The following CLK3 variants were observed in gnomAD, a reference collection of about 807,000 sequenced individuals.
The protein encoded by CLK3 is CDC like kinase 3.
A neutral mutation model predicts 65.2 loss-of-function variants in CLK3; 24 were observed. That is an observed-to-expected ratio of 0.37 (90% CI 0.27 to 0.52). The LOEUF (loss-of-function observed/expected upper bound fraction) is 0.52, where lower values mean the gene tolerates loss of function less well. Among genes scored for constraint, CLK3 ranks in the 20% least tolerant of loss-of-function variants. The probability of loss-of-function intolerance (pLI) is 0.92; values close to 1 mark genes in which losing one functional copy is unlikely to be tolerated. For synonymous variants in CLK3, 252 were observed against 240.8 expected (o/e 1.05, Z -0.43); for missense variants, 506 against 660.0 (o/e 0.77, Z 2.56).
At chr15:74,609,711 C>G (rs1397491792) in intron 1 of CLK3, among the ~76,000 whole-genome samples, 1 of 152,252 alleles carries the variant, frequency 6.6e-6, no homozygotes, top group African/African-American at 2.4e-5. Flanking sequence ...TGGGCCCTGC[C>G]TCCATCCCAG....
intron 3 of CLK3, chr15:74,620,515 G>A (rs955415724): frequency 1.9e-5 from 10 of 532,478 alleles, no homozygotes; most frequent in African/African-American, 1.7e-4. Flanking sequence ...AGGCCACGTG[G>A]TGCAAGTGGC....
At chr15:74,620,640 G>C (rs2062094349) in intron 3 of CLK3, 2 of 247,914 alleles carry the variant, frequency 8.1e-6, no homozygotes, top group South Asian at 5.6e-5. Flanking sequence ...GTGTAACTGA[G>C]TGCTCTGATG....
rs1358503644 is a variant in CLK3 at position 74,629,050 on chromosome 15, C to G, written c.1296+18C>G. 6.3e-7 allele frequency: 1 copy of G among 1,576,904 alleles called. No individual in the cohort carries two copies. Among genetic ancestry groups the G allele is most frequent in the Non-Finnish European group, 8.7e-7 (1 of 1,146,100 alleles). On this transcript the variant is annotated intron_variant, in intron 12 of 12. Transcript: ENST00000395066. The stretch of plus-strand genomic sequence containing the variant: ...CTCTGAAGGTCAGTTTCTGGCTACC[C>G]CCAGCTGAACTCATGCCAAGGAGAG...
In CLK3 at chr15:74,619,265, G is replaced by A; in HGVS notation, c.69G>A (p.Arg23=). ...DPYLSYRWKR[R]RSYSREHEGR... ...ACCTGAGCTACCGATGGAAGAGGAG[G>A]AGGTCCTACAGTCGGGAACATGAAG... The change falls in exon 2 of 13, where the codon AGG becomes AGA. Residue 23 remains arginine (R), a synonymous_variant. Coordinates refer to ENST00000395066, the MANE Select transcript of CLK3 (RefSeq NM_001130028.2). The A allele has an allele frequency of 6.2e-7, 1 of 1,614,162 alleles. No homozygotes were observed. The highest frequency in any genetic ancestry group is 8.5e-7 in the Non-Finnish European group (1 of 1,180,026).
Position 74,621,703 on chromosome 15 carries a change from T to C in CLK3, c.370-417T>C, listed in dbSNP as rs2062104928. The C allele has an allele frequency of 2.9e-6, 1 of 339,696 alleles. No individual in the cohort carries two copies. Among genetic ancestry groups the C allele is most frequent in the South Asian group, 2.3e-5 (1 of 43,350 alleles). The allele number at this position is 339,696 out of a possible 1,614,324, so 21.0% of individuals were successfully genotyped here. A position where few individuals can be genotyped will look rare whatever the true frequency, so the allele number is the denominator to read the frequency against. On this transcript the variant is annotated intron_variant, in intron 3 of 12. Transcript: ENST00000395066. This position sits in a 1 kb window ranked among gnomAD's most constrained non-coding sequence, Gnocchi z 4.8. ...CCGCCGTTCTCACTGCATCTTCCGC[T>C]CTGGCCCAAAGCCACATGGGAGGGT...
At chr15:74,628,885 A>C in intron 11 of CLK3, 57 bp from the exon 12 acceptor site, 1 of 1,311,372 alleles carries the variant, frequency 7.6e-7, no homozygotes, top group Admixed American at 1.7e-5. Context: ...CCCACCTCCC[A>C]CCAGAGGCTT....
rs759061170 is a variant in CLK3, at chr15:74,627,494, C to G, written c.913-45C>G. ...GGCCCTGTTTCAGGGGTGGGTTACC[C>G]GCTGGTGCAGACTCCTGACCTGGCA... On this transcript the variant is annotated intron_variant, in intron 8 of 12. Transcript: ENST00000395066. This position sits in a 1 kb window ranked among gnomAD's most constrained non-coding sequence, Gnocchi z 4.3. 1 of 1,614,014 alleles carries G rather than the reference C, an allele frequency of 6.2e-7. No individual in the cohort carries two copies. Among genetic ancestry groups the G allele is most frequent in the African/African-American group, 1.3e-5 (1 of 74,914 alleles).
At chr15:74,611,245 T>G (rs1187560964), upstream of CLK3, among the ~76,000 whole-genome samples, 1 of 152,130 alleles carries the variant, frequency 6.6e-6, no homozygotes. Context: ...CTCCTCTGGG[T>G]GCCCCAGACC....
Position 74,627,067 on chromosome 15 carries a change from G to T in CLK3, c.818-285G>T. 1.9e-6 allele frequency: 1 copy of T among 533,724 alleles called. No homozygotes were observed. Among genetic ancestry groups the T allele is most frequent in the Non-Finnish European group, 3.6e-6 (1 of 277,592 alleles). The allele number at this position is 533,724 out of a possible 1,614,324, so 33.1% of individuals were successfully genotyped here. A position where few individuals can be genotyped will look rare whatever the true frequency, so the allele number is the denominator to read the frequency against. On this transcript the variant is annotated intron_variant, in intron 7 of 12. Coordinates refer to ENST00000395066, the MANE Select transcript of CLK3 (RefSeq NM_001130028.2). The surrounding 1 kb of genome is among the most constrained non-coding windows in gnomAD (Gnocchi z 4.3). The stretch of plus-strand genomic sequence containing the variant: ...TTGCTGTAGCTCTGCTGAGAGACAG[G>T]TGAGGAGGCCTGGTCTCTGCAGAGG...
chr15:74,627,651 C>T lies in CLK3; in HGVS notation c.1025C>T (p.Pro342Leu). 5 of 1,613,808 alleles carry T rather than the reference C, an allele frequency of 3.1e-6. No individual in the cohort carries two copies. Among genetic ancestry groups the T allele is most frequent in the Non-Finnish European group, 3.4e-6 (4 of 1,180,042 alleles). Residue 342 changes from proline (P) to leucine (L), a missense_variant, in exon 9 of 13, where the codon CCG becomes CTG. Around this residue, in one of 2 missense-constraint regions of CLK3, gnomAD observed 325 missense variants for 500.5 expected, o/e 0.65. Coordinates refer to ENST00000395066, the MANE Select transcript of CLK3 (RefSeq NM_001130028.2). The surrounding 1 kb of genome is among the most constrained non-coding windows in gnomAD (Gnocchi z 4.3). Reference protein sequence around the residue: ...TTIVATRHYRPPEVILELGWA... With the variant: ...TTIVATRHYRLPEVILELGWA... ...ATTGTGGCCACCCGTCACTATCGCC[C>T]GCCTGAGGTGATCCTTGGTGAGTGA... is the stretch of plus-strand genomic sequence containing the variant.
In CLK3 at chr15:74,622,414, A is replaced by G; in HGVS notation, c.467-80A>G. The G allele has an allele frequency of 8.3e-7, 1 of 1,200,952 alleles. No individual in the cohort carries two copies. The highest frequency in any genetic ancestry group is 1.2e-6 in the Non-Finnish European group (1 of 834,452). 74.4% of individuals were successfully genotyped at this position (1,200,952 alleles called of 1,614,324 possible). ...GAGAGAAACCTTTTTTGTTTTTGAG[A>G]ATTTGAATGCTGTGAACTTGCAGGA... On this transcript the variant is annotated intron_variant, in intron 4 of 12. Coordinates refer to ENST00000395066, the MANE Select transcript of CLK3 (RefSeq NM_001130028.2). The surrounding 1 kb of genome is among the most constrained non-coding windows in gnomAD (Gnocchi z 4.6).
At chr15:74,625,581 C>G (rs866372448) in intron 6 of CLK3, among the ~76,000 whole-genome samples, 5 of 152,174 alleles carry the variant, frequency 3.3e-5, no homozygotes, top group Admixed American at 1.3e-4. Flanking sequence ...TCCCCTACCC[C>G]CCGCAGGAAG....
At position 74,622,357 on chromosome 15, in the gene CLK3, A is replaced by G. The variant is rs989747916; in HGVS notation, c.467-137A>G. 7 of 1,023,518 alleles carry G rather than the reference A, an allele frequency of 6.8e-6. No individual in the cohort carries two copies. The African/African-American group carries it at 9.6e-5, about 14-fold the overall frequency. 63.4% of individuals were successfully genotyped at this position (1,023,518 alleles called of 1,614,324 possible). A position where few individuals can be genotyped will look rare whatever the true frequency, so the allele number is the denominator to read the frequency against. On this transcript the variant is annotated intron_variant, in intron 4 of 12. Coordinates refer to ENST00000395066, the MANE Select transcript of CLK3 (RefSeq NM_001130028.2). This position sits in a 1 kb window ranked among gnomAD's most constrained non-coding sequence, Gnocchi z 4.6. ...TAATTGCCTGAATGACACAGACACT[A>G]GCAACTTCCATTTTTAAGAGTGTAG...
intron 6 of CLK3, 91 bp from the exon 7 acceptor site, chr15:74,625,711 A>AGG (rs936356965): frequency 2.9e-6 from 4 of 1,389,076 alleles, no homozygotes; most frequent in Non-Finnish European, 4.0e-6. Context: ...CCGGTGGCCT[A>AGG]GGAGAGAGTT....
chr15:74,622,609 G>A lies in CLK3; in HGVS notation c.533+49G>A. Reference sequence around the variant, plus strand: ...CTGGCTCCGGATGTGATCTTCCTGGGAAGAGCTGGCCTGAGGTTCTTGAGG... The same window carrying A: ...CTGGCTCCGGATGTGATCTTCCTGGAAAGAGCTGGCCTGAGGTTCTTGAGG... On this transcript the variant is annotated intron_variant, in intron 5 of 12. Transcript: ENST00000395066. The surrounding 1 kb of genome is among the most constrained non-coding windows in gnomAD (Gnocchi z 4.6). The A allele has an allele frequency of 1.3e-6, 2 of 1,485,892 alleles. No homozygotes were observed. The highest frequency in any genetic ancestry group is 1.8e-6 in the Non-Finnish European group (2 of 1,085,670). 92.0% of individuals were successfully genotyped at this position (1,485,892 alleles called of 1,614,324 possible). A position where few individuals can be genotyped will look rare whatever the true frequency, so the allele number is the denominator to read the frequency against.
chr15:74,614,761 G>C (rs545045560), upstream of CLK3: 22 of 152,176 alleles, frequency 1.4e-4, no homozygotes, highest in Admixed American at 1.2e-3. Flanking sequence ...GGCGGCCGCC[G>C]GGGCGGTGCT....
chr15:74,618,181 A>G (rs959915320), intron 1 of CLK3, among the ~76,000 whole-genome samples: 62 of 152,328 alleles, frequency 4.1e-4, no homozygotes, highest in African/African-American at 1.3e-3. Flanking sequence ...GCTGTGGCCA[A>G]GTGTGAGTGT....
chr15:74,619,944 A>C, intron 2 of CLK3, 65 bp from the exon 3 acceptor site: 1 of 1,608,114 alleles, frequency 6.2e-7, no homozygotes, highest in Non-Finnish European at 8.5e-7. Context: ...TGGCCTTACC[A>C]CAGGTCTCTT....
chr15:74,618,286 C>T (rs1430245124), intron 1 of CLK3, among the ~76,000 whole-genome samples: 1 of 152,202 alleles, frequency 6.6e-6, no homozygotes, highest in Admixed American at 6.5e-5. Context: ...CCGCTGGTGG[C>T]AGATCCAGCC....
Sources: gnomAD v4.1 joint callset for allele counts (sites outside exome capture counted in the v4.1 genomes callset) on GRCh38, gnomAD v4.1.1 for gene constraint, gnomAD v4.1.1 regional missense constraint, Gnocchi (gnomAD v3.1) non-coding constraint, MANE v1.5 for transcripts, NCBI Gene and HGNC (gene_info 2026-07-23, HGNC 2026-07-21) for gene names.